LRRK2: variants seen among roughly 807,000 people sequenced by gnomAD.
The protein encoded by LRRK2 is leucine-rich repeat serine/threonine-protein kinase 2.
LRRK2 carries 203 observed loss-of-function variants against 302.6 expected under a neutral mutation model. The observed-to-expected ratio is 0.67, with a 90% CI of 0.60 to 0.75. The LOEUF (loss-of-function observed/expected upper bound fraction) is 0.75, where lower values mean the gene tolerates loss of function less well. Among genes scored for constraint, LRRK2 ranks in the 30% least tolerant of loss-of-function variants. The pLI is 0.00. For synonymous variants in LRRK2, 1,066 were observed against 1,031.9 expected (o/e 1.03, Z -0.63); for missense variants, 2,830 against 2,951.0 (o/e 0.96, Z 0.95).
chr12:40,365,745 G>A (rs1946859317), intron 49 of LRRK2: 1 of 152,086 alleles, frequency 6.6e-6, no homozygotes, highest in Non-Finnish European at 1.5e-5. Context: ...AATAATGAAT[G>A]TTTTGAACAT....
rs79546190 is a variant in LRRK2, at chr12:40,363,541, G to A, written c.7168G>A (p.Val2390Met). 70 of 1,611,348 alleles carry A rather than the reference G, an allele frequency of 4.3e-5. No homozygotes were observed. The highest frequency in any genetic ancestry group is 6.7e-5 in the Admixed American group (4 of 59,768). Residue 2390 changes from valine (V) to methionine (M), a missense_variant, in exon 48 of 51, where the codon GTG becomes ATG. This residue lies in a region of LRRK2 where 456 missense variants were observed against 456.3 expected (regional missense o/e 1.00). Transcript: ENST00000298910. ...AAAACTCTGTGGACTAATAGACTGC[G>A]TGCACTTTTTAAGGTAAATTCTGTG... ...TEKLCGLIDC[V>M]HFLREVMVKE...
At chr12:40,225,766 T>C in intron 2 of LRRK2, 126 bp downstream of exon 2, 1 of 774,552 alleles carries the variant, frequency 1.3e-6, no homozygotes, top group Non-Finnish European at 2.3e-6. Context: ...AACCTCTGAC[T>C]GTGATTTTAA....
Position 40,368,986 on chromosome 12 carries a change from G to A in LRRK2, c.*1221G>A, listed in dbSNP as rs149014742. On this transcript the variant is annotated 3_prime_UTR_variant, in exon 51 of 51. Coordinates refer to ENST00000298910, the MANE Select transcript of LRRK2 (RefSeq NM_198578.4). ...TTATTTCAGATAATTCCCTGTGATA[G>A]GACAACTAGTACATTTAATATTCTC... 2.6e-5 allele frequency: 4 copies of A among 151,834 alleles called. No individual in the cohort carries two copies. Among genetic ancestry groups the A allele is most frequent in the Non-Finnish European group, 5.9e-5 (4 of 67,744 alleles). 9.4% of individuals were successfully genotyped at this position (151,834 alleles called of 1,614,324 possible).
chr12:40,252,446 T>C (rs1942313883), intron 10 of LRRK2, among the ~76,000 whole-genome samples: 1 of 152,180 alleles, frequency 6.6e-6, no homozygotes, highest in African/African-American at 2.4e-5. Flanking sequence ...GTAAGGGAGA[T>C]TCATGTCGCA....
At chr12:40,312,901 A>T (rs1390542616) in intron 31 of LRRK2, 1 of 151,972 alleles carries the variant, frequency 6.6e-6, no homozygotes, top group East Asian at 1.9e-4. Flanking sequence ...GGAACATGAA[A>T]AGTGGAGGTT....
At chr12:40,257,416 T>C (rs919429754) in intron 12 of LRRK2, 39 bp downstream of exon 12, 6 of 1,586,668 alleles carry the variant, frequency 3.8e-6, no homozygotes, top group African/African-American at 1.3e-5. Context: ...ATATATCATA[T>C]TGGGCCAGGT....
intron 39 of LRRK2, 129 bp from the exon 40 acceptor site, chr12:40,334,838 A>G (rs970116215): frequency 9.2e-7 from 1 of 1,082,004 alleles, no homozygotes; most frequent in South Asian, 1.3e-5. Flanking sequence ...CAGAGAAGAA[A>G]TGGAAAGTTT....
chr12:40,233,701 T>C (rs981932500), intron 3 of LRRK2, among the ~76,000 whole-genome samples: 1 of 152,196 alleles, frequency 6.6e-6, no homozygotes, highest in Non-Finnish European at 1.5e-5. Context: ...TTCCAGGAAG[T>C]CCAAAGATGA....
At chr12:40,302,124 G>C (rs556196187) in intron 25 of LRRK2, among the ~76,000 whole-genome samples, 9 of 152,222 alleles carry the variant, frequency 5.9e-5, no homozygotes, top group African/African-American at 2.2e-4. Context: ...ATTGCATTGA[G>C]CTGAGATCAC....
chr12:40,328,313 T>C (rs1313071908), intron 38 of LRRK2, 47 bp from the exon 39 acceptor site: 1 of 1,455,034 alleles, frequency 6.9e-7, no homozygotes, highest in Non-Finnish European at 9.6e-7. Flanking sequence ...TTAGTTTTTT[T>C]CGCTTGGACA....
chr12:40,321,043 C>T lies in LRRK2; in HGVS notation c.5025C>T (p.Asp1675=). ...GTCCTTTTGCCTTTAGTTTGTCTGA[C>T]CACAGGCCTGTGATAGAGCTTCCCC... ...EYLLVPSSLS[D]HRPVIELPHC... The change falls in exon 35 of 51, where the codon GAC becomes GAT. Residue 1675 remains aspartate (D), a synonymous_variant. Transcript: ENST00000298910. 6.2e-7 allele frequency: 1 copy of T among 1,612,584 alleles called. No homozygotes were observed.
Position 40,232,259 on chromosome 12 carries a change from C to T in LRRK2, c.238-15C>T, listed in dbSNP as rs761238900. On this transcript the variant is annotated splice_polypyrimidine_tract_variant and intron_variant, in intron 2 of 50. Coordinates refer to ENST00000298910, the MANE Select transcript of LRRK2 (RefSeq NM_198578.4). ...TTCTTTAAAACATGTGAATATATGT[C>T]TTTCTTGTTTTCAGGTGGGTTGGTC... 3.8e-6 allele frequency: 6 copies of T among 1,572,828 alleles called. No homozygotes were observed. In the Admixed American group the frequency reaches 8.3e-5, roughly 22 times the overall value.
chr12:40,280,843 G>T (rs1488479423), intron 18 of LRRK2, among the ~76,000 whole-genome samples: 1 of 151,322 alleles, frequency 6.6e-6, no homozygotes, highest in African/African-American at 2.4e-5. Context: ...GAGGTGGGTG[G>T]ATCATGAGGT....
chr12:40,244,787 G>A (rs1941901002), intron 7 of LRRK2, among the ~76,000 whole-genome samples: 1 of 151,204 alleles, frequency 6.6e-6, no homozygotes, highest in African/African-American at 2.4e-5. Flanking sequence ...AATGCTAGAT[G>A]ACGAGTTAGT....
chr12:40,324,620 G>A (rs1283180302), intron 38 of LRRK2, among the ~76,000 whole-genome samples: 1 of 152,108 alleles, frequency 6.6e-6, no homozygotes, highest in East Asian at 1.9e-4. Flanking sequence ...TGTCAGTCAG[G>A]ACATAATATT....
intron 48 of LRRK2, among the ~76,000 whole-genome samples, chr12:40,364,436 C>T (rs539806483): frequency 4.0e-5 from 6 of 151,828 alleles, no homozygotes; most frequent in South Asian, 4.2e-4. Context: ...TGGTTTGTAT[C>T]GATATCTTTT....
chr12:40,257,622 G>T (rs1942578720), intron 12 of LRRK2, among the ~76,000 whole-genome samples: 1 of 152,162 alleles, frequency 6.6e-6, no homozygotes, highest in Admixed American at 6.5e-5. Context: ...GCTTGATGTT[G>T]ACTATATTTT....
In LRRK2 at chr12:40,320,086, A is replaced by G. The variant is rs200242657; in HGVS notation, c.4926A>G (p.Pro1642=). The G allele has an allele frequency of 5.0e-6, 8 of 1,611,706 alleles. No individual in the cohort carries two copies. The highest frequency in any genetic ancestry group is 1.7e-4 in the Middle Eastern group (1 of 6,048). Residue 1642 remains proline, a synonymous_variant, in exon 34 of 51, where the codon CCA becomes CCG. Coordinates refer to ENST00000298910, the MANE Select transcript of LRRK2 (RefSeq NM_198578.4). ...EKFLSKKRKF[P]KNYMSQYFKL... ...TTCTTTCAAAAAAAAGGAAATTTCC[A>G]AAGAACTACATGTCACAGTATTTTA...
chr12:40,287,559 A>T lies in LRRK2; in HGVS notation c.2689+20A>T. On this transcript the variant is annotated intron_variant, in intron 20 of 50. Coordinates refer to ENST00000298910, the MANE Select transcript of LRRK2 (RefSeq NM_198578.4). ...GTGAAGGTATTTATTATAAAAAAAA[A>T]CCCTTTATGCTTTATATTTACACAC... 6 of 1,608,246 alleles carry T rather than the reference A, an allele frequency of 3.7e-6. No homozygotes were observed. Among genetic ancestry groups the T allele is most frequent in the Non-Finnish European group, 5.1e-6 (6 of 1,176,030 alleles).
Sources: allele counts gnomAD v4.1 joint callset (sites outside exome capture counted in the v4.1 genomes callset), GRCh38; gene constraint gnomAD v4.1.1; regional missense constraint gnomAD v4.1.1; transcripts MANE v1.5; gene names NCBI Gene and HGNC (gene_info 2026-07-23, HGNC 2026-07-21).